Variants in R3HDM1 observed in about 807,000 individuals in gnomAD.
R3HDM1 encodes the protein R3H domain-containing protein 1.
In R3HDM1, 46 loss-of-function variants were observed where a neutral mutation model predicts 141.1. The observed-to-expected ratio is 0.33, with a 90% CI of 0.26 to 0.42. The LOEUF is 0.42. Among genes scored for constraint, R3HDM1 ranks in the 10% least tolerant of loss-of-function variants. The pLI, the probability that R3HDM1 is intolerant of heterozygous loss-of-function variation, is 1.00. For synonymous variants in R3HDM1, 435 were observed against 472.9 expected (o/e 0.92, Z 1.04); for missense variants, 1,184 against 1,368.3 (o/e 0.87, Z 2.12).
At chr2:135,615,183 T>G (rs1391458464) in intron 3 of R3HDM1, among the ~76,000 whole-genome samples, 1 of 152,106 alleles carries the variant, frequency 6.6e-6, no homozygotes, top group Non-Finnish European at 1.5e-5. Context: ...CAGGACATAC[T>G]GGTACTGTAG....
chr2:135,556,022 G>A (rs1700697373), intron 1 of R3HDM1, among the ~76,000 whole-genome samples: 1 of 152,086 alleles, frequency 6.6e-6, no homozygotes, highest in East Asian at 1.9e-4. Context: ...TCCCAAGTGG[G>A]GGGATGGGGG....
At chr2:135,597,278 T>A in intron 1 of R3HDM1, 1 of 977,818 alleles carries the variant, frequency 1.0e-6, no homozygotes, top group Non-Finnish European at 1.2e-6. Flanking sequence ...TCATTCTCTT[T>A]ACTCTTTTTA....
At position 135,531,488 on chromosome 2, in the gene R3HDM1, T is replaced by C. The variant is rs927855748; in HGVS notation, c.-395T>C. 8 of 985,736 alleles carry C rather than the reference T, an allele frequency of 8.1e-6. No individual in the cohort carries two copies. Among genetic ancestry groups the C allele is most frequent in the Middle Eastern group, 5.2e-4 (1 of 1,938 alleles). The allele number at this position is 985,736 out of a possible 1,614,324, so 61.1% of individuals were successfully genotyped here. On this transcript the variant is annotated 5_prime_UTR_variant, in exon 1 of 27. Transcript: ENST00000683871. ...TGCGTGGTGGGAAGGGGCGGGATTCTGCCAGCCGCGGCTGCCGCTGGAGCC... is the reference window on the plus strand; with the variant it reads ...TGCGTGGTGGGAAGGGGCGGGATTCCGCCAGCCGCGGCTGCCGCTGGAGCC...
At chr2:135,634,987 G>A (rs538437220) in intron 9 of R3HDM1, among the ~76,000 whole-genome samples, 2 of 152,150 alleles carry the variant, frequency 1.3e-5, no homozygotes, top group Admixed American at 1.3e-4. Context: ...CCTTGTGTTT[G>A]TCCTCTAGAT....
At chr2:135,564,213 A>G (rs1043294946) in intron 1 of R3HDM1, among the ~76,000 whole-genome samples, 11 of 152,236 alleles carry the variant, frequency 7.2e-5, no homozygotes, top group Non-Finnish European at 1.5e-4. Context: ...ACAGTAAGTT[A>G]TATGCAGCTT....
chr2:135,708,645 C>G (rs554920404), intron 21 of R3HDM1, among the ~76,000 whole-genome samples: 2 of 152,118 alleles, frequency 1.3e-5, no homozygotes, highest in South Asian at 4.2e-4. Context: ...TTATGACAAA[C>G]CCCATATTAA....
intron 7 of R3HDM1, among the ~76,000 whole-genome samples, chr2:135,630,928 A>G (rs2062644593): frequency 6.6e-6 from 1 of 152,148 alleles, no homozygotes; most frequent in Non-Finnish European, 1.5e-5. Context: ...GTTGCAGCTA[A>G]GAGAACTAAA....
intron 19 of R3HDM1, among the ~76,000 whole-genome samples, chr2:135,671,202 A>G (rs1471938739): frequency 1.3e-5 from 2 of 150,930 alleles, no homozygotes. Context: ...AACTATATGG[A>G]ATCTGTGATT....
chr2:135,562,384 AAG>A (rs1295266628), intron 1 of R3HDM1, among the ~76,000 whole-genome samples: 2 of 152,222 alleles, frequency 1.3e-5, no homozygotes, highest in African/African-American at 4.8e-5. Context: ...TCTATCAAAA[AAG>A]AATTTAAAGT....
intron 3 of R3HDM1, chr2:135,607,399 T>TA (rs2060170986): frequency 3.2e-6 from 3 of 925,550 alleles, no homozygotes; most frequent in Non-Finnish European, 3.9e-6. Flanking sequence ...CCTCCAGCTA[T>TA]AAAAAAAGCA....
intron 18 of R3HDM1, 52 bp from the exon 19 acceptor site, chr2:135,661,218 C>T (rs1264243651): frequency 3.1e-6 from 5 of 1,598,546 alleles, no homozygotes; most frequent in Non-Finnish European, 4.3e-6. Flanking sequence ...CACAGAAAAA[C>T]ATATGTAATG....
At chr2:135,710,868 A>C (rs2105440640) in intron 23 of R3HDM1, among the ~76,000 whole-genome samples, 1 of 152,368 alleles carries the variant, frequency 6.6e-6, no homozygotes, top group South Asian at 2.1e-4. Context: ...CCAGTTAATA[A>C]ATGCAGAAGC....
chr2:135,604,292 T>A (rs2059861304), intron 2 of R3HDM1, among the ~76,000 whole-genome samples: 1 of 152,210 alleles, frequency 6.6e-6, no homozygotes, highest in African/African-American at 2.4e-5. Context: ...AAAAAGCTAT[T>A]ATAGGTATCC....
intron 19 of R3HDM1, among the ~76,000 whole-genome samples, chr2:135,672,061 A>G (rs1440422168): frequency 6.6e-6 from 1 of 152,172 alleles, no homozygotes; most frequent in Admixed American, 6.5e-5. Flanking sequence ...GAGATGTGGC[A>G]TAAGAGAATG....
intron 9 of R3HDM1, 98 bp downstream of exon 9, chr2:135,632,099 C>A: frequency 9.4e-7 from 1 of 1,058,516 alleles, no homozygotes; most frequent in Non-Finnish European, 1.3e-6. Flanking sequence ...CATGTTTTAA[C>A]AGTCTAATTA....
intron 1 of R3HDM1, among the ~76,000 whole-genome samples, chr2:135,543,925 T>G (rs1392662061): frequency 6.6e-6 from 1 of 152,204 alleles, no homozygotes; most frequent in Non-Finnish European, 1.5e-5. Flanking sequence ...GAGAACCACA[T>G]GTTGAATGGA....
intron 26 of R3HDM1, 116 bp from the exon 27 acceptor site, chr2:135,723,819 GTT>G (rs77967230): frequency 0.017 from 8,134 of 466,102 alleles, 149 homozygotes; most frequent in African/African-American, 0.034. Context: ...GGCCCTAACA[GTT>G]TTAATTTTGT....
chr2:135,668,899 G>C (rs1559389514), intron 19 of R3HDM1, among the ~76,000 whole-genome samples: 1 of 152,074 alleles, frequency 6.6e-6, no homozygotes, highest in Non-Finnish European at 1.5e-5. Context: ...CAGCCTCCGA[G>C]GCAAAACAGC....
chr2:135,635,897 C>A lies in R3HDM1; in HGVS notation c.706C>A (p.Gln236Lys). The change falls in exon 10 of 27, where the codon CAG (glutamine) becomes AAG (lysine). Residue 236 changes from glutamine (Q) to lysine (K), a missense_variant. Around this residue, in one of 5 missense-constraint regions of R3HDM1, gnomAD observed 240 missense variants for 312.3 expected, o/e 0.77. Coordinates refer to ENST00000683871, the MANE Select transcript of R3HDM1 (RefSeq NM_001378107.1). ...NKTSNTRIPD[Q>K]KFNEHIKDDK... The stretch of plus-strand genomic sequence containing the variant: ...TTGTTTTTGTTTTTTAAGACCTGAT[C>A]AGAAATTTAATGAACATATTAAGGA... The A allele has an allele frequency of 1.3e-6, 2 of 1,590,122 alleles. No homozygotes were observed. The highest frequency in any genetic ancestry group is 2.3e-5 in the South Asian group (2 of 86,938).
Sources: allele counts gnomAD v4.1 joint callset (sites outside exome capture counted in the v4.1 genomes callset), GRCh38; gene constraint gnomAD v4.1.1; regional missense constraint gnomAD v4.1.1; transcripts MANE v1.5; gene names NCBI Gene and HGNC (gene_info 2026-07-23, HGNC 2026-07-21).